Variants in SLC25A48 observed in about 807,000 individuals in gnomAD.
The protein encoded by SLC25A48 is solute carrier family 25 member 48.
A neutral mutation model predicts 32.2 loss-of-function variants in SLC25A48; 29 were observed. The ratio of observed to expected loss-of-function variants is 0.90; its 90% CI spans 0.67 to 1.23. The LOEUF (loss-of-function observed/expected upper bound fraction) is 1.23, where lower values mean the gene tolerates loss of function less well. Among genes scored for constraint, SLC25A48 ranks in the 50% most tolerant of loss-of-function variants. The pLI is 0.00. For missense variants in SLC25A48, 399 were observed against 422.7 expected (o/e 0.94, Z 0.49); for synonymous variants, 164 against 172.3 (o/e 0.95, Z 0.38).
intron 3 of SLC25A48, among the ~76,000 whole-genome samples, chr5:135,662,363 A>G (rs1002573195): frequency 1.3e-5 from 2 of 152,176 alleles, no homozygotes; most frequent in South Asian, 4.1e-4. Flanking sequence ...CTGCAGAAGC[A>G]GTCACTGCAG....
rs138537882 is a variant in SLC25A48 at position 135,579,512 on chromosome 5, A to T, written c.-934A>T. The T allele has an allele frequency of 6.9e-3, 1,049 of 152,534 alleles. 18 individuals are homozygous for T. The highest frequency in any genetic ancestry group is 0.04 in the South Asian group (194 of 4,840). 9.4% of individuals were successfully genotyped at this position (152,534 alleles called of 1,614,324 possible). A position where few individuals can be genotyped will look rare whatever the true frequency, so the allele number is the denominator to read the frequency against. On this transcript the variant is annotated 5_prime_UTR_variant, in exon 1 of 11. Coordinates refer to the SLC25A48 transcript ENST00000646290. The stretch of plus-strand genomic sequence containing the variant: ...CCAAGGGCCCCTGCTGGGCCAGAAC[A>T]CAAGGCCAGTTCTGGACAGGGGCTT...
At chr5:135,818,180 C>T (rs1025743491) in intron 4 of SLC25A48, among the ~76,000 whole-genome samples, 1 of 150,464 alleles carries the variant, frequency 6.6e-6, no homozygotes, top group Non-Finnish European at 1.5e-5. Flanking sequence ...AATTACACAA[C>T]AGCAATGCAG....
At chr5:135,846,107 C>T (rs974808227) in intron 2 of SLC25A48, among the ~76,000 whole-genome samples, 1 of 152,136 alleles carries the variant, frequency 6.6e-6, no homozygotes, top group Non-Finnish European at 1.5e-5. Context: ...ATTAGATTCT[C>T]GTAAGAGCAC....
chr5:135,850,561 C>T (rs1302480530), intron 3 of SLC25A48, 65 bp downstream of exon 3: 36 of 1,482,894 alleles, frequency 2.4e-5, no homozygotes, highest in Non-Finnish European at 3.4e-5. Context: ...GGACCAGGGC[C>T]ACAGCCCCAC....
At chr5:135,876,726 A>G (rs1762089797) in intron 6 of SLC25A48, among the ~76,000 whole-genome samples, 1 of 152,236 alleles carries the variant, frequency 6.6e-6, no homozygotes. Flanking sequence ...ATGCTTGTAT[A>G]TGTGACTGTT....
chr5:135,858,687 A>G (rs976192420), intron 4 of SLC25A48, among the ~76,000 whole-genome samples: 1 of 152,238 alleles, frequency 6.6e-6, no homozygotes, highest in Admixed American at 6.5e-5. Context: ...GGATTTGTAG[A>G]AGCTGAGGTT....
At chr5:135,639,379 A>G (rs2126915096) in intron 3 of SLC25A48, among the ~76,000 whole-genome samples, 1 of 152,358 alleles carries the variant, frequency 6.6e-6, no homozygotes, top group South Asian at 2.1e-4. Context: ...AAAAAATAAA[A>G]TATAGCAAAT....
intron 1 of SLC25A48, chr5:135,835,099 G>A: frequency 2.8e-6 from 2 of 720,616 alleles, no homozygotes; most frequent in South Asian, 1.5e-5. Flanking sequence ...ACAGCGTTTC[G>A]GGCTGAGCTT....
intron 3 of SLC25A48, among the ~76,000 whole-genome samples, chr5:135,726,871 T>C (rs1396774322): frequency 6.6e-5 from 10 of 152,310 alleles, no homozygotes; most frequent in African/African-American, 2.4e-4. Flanking sequence ...CATATTTGGT[T>C]TTTTGAGAAA....
At chr5:135,633,524 C>A (rs1752627685) in intron 2 of SLC25A48, among the ~76,000 whole-genome samples, 1 of 151,934 alleles carries the variant, frequency 6.6e-6, no homozygotes, top group South Asian at 2.1e-4. Context: ...ACCTGCAAGC[C>A]AGGAAGAGAG....
intron 1 of SLC25A48, among the ~76,000 whole-genome samples, chr5:135,612,988 A>C (rs191640272): frequency 3.9e-5 from 6 of 152,294 alleles, no homozygotes; most frequent in Admixed American, 3.3e-4. Context: ...TTTTTTGAGA[A>C]ATCTTCATAC....
At chr5:135,856,064 C>A (rs746434779) in intron 4 of SLC25A48, among the ~76,000 whole-genome samples, 1 of 152,156 alleles carries the variant, frequency 6.6e-6, no homozygotes, top group Admixed American at 6.5e-5. Flanking sequence ...GAGAGAGTGC[C>A]GGCTTTGGAG....
At chr5:135,785,376 C>T (rs1049791041) in intron 3 of SLC25A48, among the ~76,000 whole-genome samples, 11 of 150,636 alleles carry the variant, frequency 7.3e-5, no homozygotes, top group African/African-American at 2.7e-4. Context: ...CCCTCCCCGC[C>T]GCTTGCCCTA....
chr5:135,775,496 C>A (rs907591826), intron 3 of SLC25A48, among the ~76,000 whole-genome samples: 5 of 151,074 alleles, frequency 3.3e-5, no homozygotes, highest in Non-Finnish European at 5.9e-5. Context: ...TTTTTTATAT[C>A]CAGAGAGGAA....
At chr5:135,653,820 G>A in intron 3 of SLC25A48, 1 of 456,242 alleles carries the variant, frequency 2.2e-6, no homozygotes, top group Non-Finnish European at 4.4e-6. Context: ...TTGACAGCGG[G>A]TATTTCCTTA....
At chr5:135,705,085 G>A (rs1296675471) in intron 3 of SLC25A48, among the ~76,000 whole-genome samples, 6 of 152,214 alleles carry the variant, frequency 3.9e-5, no homozygotes, top group African/African-American at 1.2e-4. Context: ...CTTGGGTCCT[G>A]ACTCTTGCTT....
chr5:135,764,623 G>A (rs766595827), intron 3 of SLC25A48, among the ~76,000 whole-genome samples: 8 of 150,864 alleles, frequency 5.3e-5, no homozygotes, highest in African/African-American at 7.3e-5. Flanking sequence ...GATATGGTTC[G>A]TAATATCCAG....
At chr5:135,655,539 CA>C (rs1334866208) in intron 3 of SLC25A48, among the ~76,000 whole-genome samples, 7 of 152,134 alleles carry the variant, frequency 4.6e-5, no homozygotes, top group African/African-American at 1.7e-4. Context: ...AGAAAGTCCC[CA>C]AAGGGCTGAG....
intron 3 of SLC25A48, among the ~76,000 whole-genome samples, chr5:135,749,587 T>C (rs1413026366): frequency 6.6e-6 from 1 of 152,004 alleles, no homozygotes; most frequent in Middle Eastern, 3.2e-3. Context: ...GTTATTTTTT[T>C]TTGGGGTGGG....
Sources: gnomAD v4.1 joint callset for allele counts (sites outside exome capture counted in the v4.1 genomes callset) on GRCh38, gnomAD v4.1.1 for gene constraint, MANE v1.5 for transcripts, NCBI Gene and HGNC (gene_info 2026-07-23, HGNC 2026-07-21) for gene names.